The following PCDH15 variants were observed in gnomAD, a reference collection of about 807,000 sequenced individuals.
PCDH15 encodes protocadherin-15.
In PCDH15, 129 loss-of-function variants were observed where a neutral mutation model predicts 178.5. That is an observed-to-expected ratio of 0.72 (90% CI 0.63 to 0.84). The LOEUF (loss-of-function observed/expected upper bound fraction) is 0.84. Among genes scored for constraint, PCDH15 ranks in the 40% least tolerant of loss-of-function variants. PCDH15 has a pLI of 0.00. For missense variants in PCDH15, 2,230 were observed against 2,099.9 expected (o/e 1.06, Z -1.21); for synonymous variants, 800 against 732.0 (o/e 1.09, Z -1.50).
chr10:54,221,050 G>A (rs1050296912), intron 9 of PCDH15, among the ~76,000 whole-genome samples: 23 of 151,890 alleles, frequency 1.5e-4, no homozygotes, highest in African/African-American at 4.8e-4. Flanking sequence ...AAAATTAGCC[G>A]GGCGAGGTTG....
intron 3 of PCDH15, among the ~76,000 whole-genome samples, chr10:54,817,051 T>C (rs1035610109): frequency 1.3e-5 from 2 of 152,076 alleles, no homozygotes; most frequent in South Asian, 4.1e-4. Context: ...TTATAATTTA[T>C]GCCAGTCTTT....
At chr10:54,636,068 G>A (rs1253584489) in intron 2 of PCDH15, among the ~76,000 whole-genome samples, 1 of 151,844 alleles carries the variant, frequency 6.6e-6, no homozygotes, top group Non-Finnish European at 1.5e-5. Flanking sequence ...TAATTGACAT[G>A]AAGTCATTAA....
intron 28 of PCDH15, among the ~76,000 whole-genome samples, chr10:53,855,612 T>C (rs1458705240): frequency 3.9e-5 from 6 of 151,992 alleles, no homozygotes; most frequent in African/African-American, 1.2e-4. Context: ...TGTATTTTAT[T>C]TGGCATATAA....
intron 2 of PCDH15, among the ~76,000 whole-genome samples, chr10:55,447,917 C>A (rs1839353188): frequency 6.6e-6 from 1 of 151,778 alleles, no homozygotes; most frequent in African/African-American, 2.4e-5. Flanking sequence ...CAAATAATAT[C>A]AACCATTGAA....
chr10:55,057,372 A>G (rs1841331446), intron 2 of PCDH15, among the ~76,000 whole-genome samples: 1 of 152,200 alleles, frequency 6.6e-6, no homozygotes, highest in African/African-American at 2.4e-5. Context: ...TTCCTGTAAT[A>G]CTACTAGTTG....
At chr10:55,342,376 T>C (rs768643493) in intron 2 of PCDH15, among the ~76,000 whole-genome samples, 4 of 152,054 alleles carry the variant, frequency 2.6e-5, no homozygotes, top group African/African-American at 4.8e-5. Context: ...TCTTTTCTAA[T>C]ATTCTAGAAA....
At chr10:55,469,630 A>G (rs988868609) in intron 2 of PCDH15, among the ~76,000 whole-genome samples, 2 of 151,956 alleles carry the variant, frequency 1.3e-5, no homozygotes, top group Non-Finnish European at 2.9e-5. Flanking sequence ...CCTTAAAATT[A>G]ATGCTGTGAA....
intron 6 of PCDH15, among the ~76,000 whole-genome samples, chr10:54,336,679 G>A (rs1941227843): frequency 1.3e-5 from 2 of 152,226 alleles, no homozygotes; most frequent in Admixed American, 1.3e-4. Flanking sequence ...CCAGACAAAA[G>A]TTTGCTGAAG....
At chr10:53,825,403 A>G (rs1445176447) in intron 32 of PCDH15, among the ~76,000 whole-genome samples, 1 of 106,338 alleles carries the variant, frequency 9.4e-6, no homozygotes, top group Non-Finnish European at 1.6e-5. Context: ...TACTATACAT[A>G]GATAAAAATT....
intron 2 of PCDH15, among the ~76,000 whole-genome samples, chr10:55,406,871 C>T (rs1178003828): frequency 6.6e-6 from 1 of 152,222 alleles, no homozygotes; most frequent in East Asian, 1.9e-4. Flanking sequence ...AAACAAGAGA[C>T]TCCAGTAAAA....
chr10:53,818,611 G>T (rs1039585034), intron 33 of PCDH15, among the ~76,000 whole-genome samples: 1 of 152,016 alleles, frequency 6.6e-6, no homozygotes, highest in Non-Finnish European at 1.5e-5. Flanking sequence ...ATTACATAAA[G>T]ATTTATAAAG....
rs1420062180 is a variant in PCDH15 at position 54,371,563 on chromosome 10, T to G, written c.319-2288A>C. Among the ~76,000 whole-genome samples, 7 of 151,866 alleles carry G rather than the reference T, an allele frequency of 4.6e-5. No homozygotes were observed. In the South Asian group the frequency reaches 1.2e-3, roughly 27 times the overall value. On this transcript the variant is annotated intron_variant, in intron 4 of 37. Transcript: ENST00000644397. The stretch of plus-strand genomic sequence containing the variant: ...TTTCAGAGAGCAGAAATAAGAAAAA[T>G]AGTTGAAAAATATTTCAAAGCATGT...
chr10:54,534,199 C>T (rs188168011), intron 2 of PCDH15, among the ~76,000 whole-genome samples: 56 of 152,062 alleles, frequency 3.7e-4, no homozygotes, highest in Admixed American at 1.3e-3. Context: ...TCCTTTCATG[C>T]AAGGGCTGAT....
chr10:55,553,775 G>C (rs1240438875), intron 2 of PCDH15, among the ~76,000 whole-genome samples: 1 of 151,822 alleles, frequency 6.6e-6, no homozygotes, highest in African/African-American at 2.4e-5. Context: ...ATGTAGTTGA[G>C]AGTCTGTTAC....
At chr10:55,529,447 C>T (rs1841392570) in intron 2 of PCDH15, among the ~76,000 whole-genome samples, 1 of 151,692 alleles carries the variant, frequency 6.6e-6, no homozygotes, top group African/African-American at 2.4e-5. Context: ...AATTCCAGTT[C>T]TCAATAAATC....
intron 1 of PCDH15, among the ~76,000 whole-genome samples, chr10:54,717,729 A>T (rs2095498725): frequency 1.4e-5 from 2 of 141,480 alleles, no homozygotes; most frequent in African/African-American, 5.4e-5. Flanking sequence ...TAGAACTGGA[A>T]ATACCATTTG....
intron 25 of PCDH15, among the ~76,000 whole-genome samples, chr10:53,929,306 T>C (rs2084837299): frequency 6.6e-6 from 1 of 152,174 alleles, no homozygotes; most frequent in Admixed American, 6.5e-5. Context: ...GAATACATTT[T>C]TGTTTCATTG....
intron 1 of PCDH15, among the ~76,000 whole-genome samples, chr10:55,288,740 T>C (rs1165144918): frequency 6.6e-6 from 1 of 151,988 alleles, no homozygotes; most frequent in Non-Finnish European, 1.5e-5. Context: ...AAGATTTCAT[T>C]GTATGTACAT....
chr10:54,247,994 AATT>A (rs1261770175), intron 8 of PCDH15, among the ~76,000 whole-genome samples: 1 of 149,540 alleles, frequency 6.7e-6, no homozygotes. Flanking sequence ...AATATGTGGA[AATT>A]ATTATAGTTA....
Sources: gnomAD v4.1 joint callset for allele counts (sites outside exome capture counted in the v4.1 genomes callset) on GRCh38, gnomAD v4.1.1 for gene constraint, MANE v1.5 for transcripts, NCBI Gene and HGNC (gene_info 2026-07-23, HGNC 2026-07-21) for gene names.